The following GALNT2 variants were observed in gnomAD, a reference collection of about 807,000 sequenced individuals.
GALNT2 encodes UDP-GalNAc:polypeptide N-acetylgalactosaminyltransferase 2.
GALNT2 carries 31 observed loss-of-function variants against 81.4 expected under a neutral mutation model. The observed-to-expected ratio is 0.38, with a 90% CI of 0.29 to 0.51. GALNT2 has a LOEUF of 0.51. Ranked by LOEUF, GALNT2 falls within the 20% of genes least tolerant of loss-of-function variation. The pLI is 0.87. For synonymous variants in GALNT2, 303 were observed against 287.4 expected (o/e 1.05, Z -0.55); for missense variants, 629 against 765.7 (o/e 0.82, Z 2.11).
intron 2 of GALNT2, among the ~76,000 whole-genome samples, chr1:230,181,419 C>T (rs1030105192): frequency 1.3e-5 from 2 of 152,152 alleles, no homozygotes; most frequent in Non-Finnish European, 2.9e-5. Context: ...TGTTGAGCCA[C>T]TGTTGCATAA....
chr1:230,103,089 A>G (rs968608640), intron 1 of GALNT2, among the ~76,000 whole-genome samples: 2 of 152,214 alleles, frequency 1.3e-5, no homozygotes, highest in African/African-American at 4.8e-5. Context: ...TCAAATTTGC[A>G]TTTGGAGGAA....
intron 1 of GALNT2, among the ~76,000 whole-genome samples, chr1:230,134,546 C>T (rs1190553487): frequency 6.6e-6 from 1 of 152,116 alleles, no homozygotes; most frequent in East Asian, 1.9e-4. Flanking sequence ...GTGGTGTATC[C>T]CTCTCAAACC....
At chr1:230,154,621 T>G (rs1452523944) in intron 1 of GALNT2, among the ~76,000 whole-genome samples, 5 of 152,142 alleles carry the variant, frequency 3.3e-5, no homozygotes, top group Non-Finnish European at 7.4e-5. Context: ...ACTGGTGTCC[T>G]TATGAAATGG....
chr1:230,136,275 G>A (rs78823337), intron 1 of GALNT2, among the ~76,000 whole-genome samples: 7 of 152,016 alleles, frequency 4.6e-5, no homozygotes, highest in Admixed American at 2.0e-4. Flanking sequence ...TGATTGGGTC[G>A]CGCCTGATCA....
chr1:230,067,427 C>T (rs1310338060), intron 1 of GALNT2, 21 bp downstream of exon 1: 22 of 1,075,736 alleles, frequency 2.0e-5, no homozygotes, highest in Non-Finnish European at 2.2e-5. Context: ...CGCCCTGCCG[C>T]GGCCGGGCCC....
intron 1 of GALNT2, among the ~76,000 whole-genome samples, chr1:230,147,742 C>A (rs1291765610): frequency 1.3e-5 from 2 of 152,212 alleles, no homozygotes; most frequent in Non-Finnish European, 2.9e-5. Context: ...TCCTTCCTGC[C>A]CTGTTGCCCT....
intron 1 of GALNT2, among the ~76,000 whole-genome samples, chr1:230,174,827 G>A (rs1281222806): frequency 6.6e-6 from 1 of 152,130 alleles, no homozygotes; most frequent in Non-Finnish European, 1.5e-5. Context: ...GTGCCCTCCT[G>A]TTTTTGATCT....
rs1282197060 is a variant in GALNT2, at chr1:230,280,984, C to T, written c.*1526C>T. The T allele has an allele frequency of 6.6e-6, 1 of 152,468 alleles. No individual in the cohort carries two copies. Among genetic ancestry groups the T allele is most frequent in the African/African-American group, 2.4e-5 (1 of 41,444 alleles). The allele number at this position is 152,468 out of a possible 1,614,324, so 9.4% of individuals were successfully genotyped here. ...CTGCTTCCTCCTCCACTCCTGGCCG[C>T]CTTCTCCAGCGCCGCACACACAGAT... On this transcript the variant is annotated 3_prime_UTR_variant, in exon 16 of 16. Transcript: ENST00000366672.
At chr1:230,222,044 T>TTTTTTTTTTTTTTTTTTTTTTA (rs71173785) in intron 3 of GALNT2, among the ~76,000 whole-genome samples, 1 of 142,760 alleles carries the variant, frequency 7.0e-6, no homozygotes, top group African/African-American at 2.7e-5. Flanking sequence ...TTTTTTTTTT[T>TTTTTTTTTTTTTTTTTTTTTTA]GAGACAGAGT....
chr1:230,214,900 G>C (rs1425241084), intron 3 of GALNT2, among the ~76,000 whole-genome samples: 2 of 152,110 alleles, frequency 1.3e-5, no homozygotes, highest in Non-Finnish European at 2.9e-5. Context: ...GCTCTGTCTA[G>C]TCTGCTTTTA....
At chr1:230,096,806 C>A (rs1465787247) in intron 1 of GALNT2, among the ~76,000 whole-genome samples, 1 of 152,162 alleles carries the variant, frequency 6.6e-6, no homozygotes, top group African/African-American at 2.4e-5. Flanking sequence ...GGTGCATTTT[C>A]TTTTAGGGTT....
At chr1:230,138,182 G>C (rs930057193) in intron 1 of GALNT2, among the ~76,000 whole-genome samples, 6 of 152,184 alleles carry the variant, frequency 3.9e-5, no homozygotes, top group African/African-American at 1.4e-4. Flanking sequence ...GCACAAGAAA[G>C]AATTCAGGGT....
In GALNT2 at chr1:230,279,384, G is replaced by A. The variant is rs763766688; in HGVS notation, c.1642G>A (p.Gly548Arg). The A allele has an allele frequency of 6.2e-6, 10 of 1,614,122 alleles. No homozygotes were observed. The highest frequency in any genetic ancestry group is 2.2e-5 in the East Asian group (1 of 44,870). ...LCLDSRTAKS[G>R]GLSVEVCGPA... ...CCTGGACAGTCGCACGGCCAAGAGC[G>A]GGGGCCTAAGCGTGGAGGTGTGTGG... Residue 548 changes from glycine to arginine, a missense_variant, in exon 16 of 16, where the codon GGG becomes AGG. Physicochemically the swap from Gly to Arg is moderately radical, Grantham distance 125. Around this residue, in one of 3 missense-constraint regions of GALNT2, gnomAD observed 207 missense variants for 225.5 expected, o/e 0.92. Coordinates refer to ENST00000366672, the MANE Select transcript of GALNT2 (RefSeq NM_004481.5). This position sits in a 1 kb window ranked among gnomAD's most constrained non-coding sequence, Gnocchi z 4.6.
At chr1:230,163,451 G>A (rs992867385) in intron 1 of GALNT2, among the ~76,000 whole-genome samples, 52 of 152,348 alleles carry the variant, frequency 3.4e-4, no homozygotes, top group African/African-American at 1.1e-3. Context: ...GTATGAGGGA[G>A]GTGTGGTGTA....
At chr1:230,178,140 A>C in intron 1 of GALNT2, 78 bp from the exon 2 acceptor site, 1 of 1,153,552 alleles carries the variant, frequency 8.7e-7, no homozygotes, top group South Asian at 1.4e-5. Context: ...CTCTCCTAAG[A>C]CTCGGTATGT....
intron 2 of GALNT2, among the ~76,000 whole-genome samples, chr1:230,178,940 C>G (rs921737768): frequency 6.6e-6 from 1 of 152,108 alleles, no homozygotes; most frequent in Non-Finnish European, 1.5e-5. Flanking sequence ...TTGCTCCCCC[C>G]AGCCCCTGGC....
Position 230,246,155 on chromosome 1 carries a change from G to GT in GALNT2, c.817+6dup. ...CATCTGCTGACTTGAAGGGCGGTAG[G>GT]TGTCTGTCATGGTGCCCCTGCCTAG... On this transcript the variant is annotated splice_donor_region_variant and intron_variant, in intron 8 of 15. Transcript: ENST00000366672. 6.2e-7 allele frequency: 1 copy of GT among 1,611,448 alleles called. No homozygotes were observed. The highest frequency in any genetic ancestry group is 8.5e-7 in the Non-Finnish European group (1 of 1,177,612).
chr1:230,181,109 A>G (rs1390751236), intron 2 of GALNT2, among the ~76,000 whole-genome samples: 1 of 151,070 alleles, frequency 6.6e-6, no homozygotes, highest in Non-Finnish European at 1.5e-5. Flanking sequence ...GTCTTATTTC[A>G]TTAGCTAGGA....
intron 2 of GALNT2, among the ~76,000 whole-genome samples, chr1:230,178,538 A>G (rs980001208): frequency 2.0e-5 from 3 of 152,222 alleles, no homozygotes; most frequent in African/African-American, 7.2e-5. Context: ...GAAAATAAAA[A>G]TAGACTAAAG....
Sources: allele counts gnomAD v4.1 joint callset (sites outside exome capture counted in the v4.1 genomes callset), GRCh38; gene constraint gnomAD v4.1.1; regional missense constraint gnomAD v4.1.1; non-coding constraint Gnocchi (gnomAD v3.1); transcripts MANE v1.5; gene names NCBI Gene and HGNC (gene_info 2026-07-23, HGNC 2026-07-21).